Variants in ADGRB3 observed in about 807,000 individuals in gnomAD.
The protein encoded by ADGRB3 is brain-specific angiogenesis inhibitor 3.
In ADGRB3, 37 loss-of-function variants were observed where a neutral mutation model predicts 193.4. The observed-to-expected ratio is 0.19, with a 90% confidence interval of 0.15 to 0.25. The LOEUF is 0.25. Ranked by LOEUF, ADGRB3 falls within the 10% of genes least tolerant of loss-of-function variation. The pLI is 1.00. For missense variants in ADGRB3, 1,637 were observed against 1,852.9 expected (o/e 0.88, Z 2.14); for synonymous variants, 690 against 644.2 (o/e 1.07, Z -1.08).
intron 3 of ADGRB3, among the ~76,000 whole-genome samples, chr6:68,905,429 G>A (rs530470173): frequency 1.5e-4 from 23 of 152,044 alleles, no homozygotes; most frequent in Non-Finnish European, 2.6e-4. Context: ...TCTATCCATC[G>A]GGATTGAGAA....
intron 4 of ADGRB3, among the ~76,000 whole-genome samples, chr6:68,932,080 G>C (rs978437547): frequency 1.3e-5 from 2 of 152,132 alleles, no homozygotes; most frequent in African/African-American, 2.4e-5. Context: ...ACTGAGCAGA[G>C]ATTAGAGACA....
intron 3 of ADGRB3, among the ~76,000 whole-genome samples, chr6:68,796,141 A>G (rs950704643): frequency 1.3e-5 from 2 of 152,186 alleles, no homozygotes; most frequent in Non-Finnish European, 2.9e-5. Flanking sequence ...TAACAAAGAA[A>G]TTAGTACATC....
At position 68,974,883 on chromosome 6, in the gene ADGRB3, C is replaced by A; in HGVS notation, c.1627+19C>A. ...GCCACAGGTACAGTAGGATGACCCA[C>A]CCAAACCCTAGTGATAATCCCCATC... On this transcript the variant is annotated intron_variant, in intron 9 of 31. Coordinates refer to ENST00000370598, the MANE Select transcript of ADGRB3 (RefSeq NM_001704.3). The A allele has an allele frequency of 6.3e-7, 1 of 1,591,418 alleles. No homozygotes were observed. Among genetic ancestry groups the A allele is most frequent in the Non-Finnish European group, 8.6e-7 (1 of 1,160,084 alleles).
At chr6:68,645,378 T>C (rs1361972025) in intron 3 of ADGRB3, among the ~76,000 whole-genome samples, 1 of 152,170 alleles carries the variant, frequency 6.6e-6, no homozygotes, top group African/African-American at 2.4e-5. Context: ...ACTTGGAATA[T>C]TTCAGTTCCT....
rs544470913 is a variant in ADGRB3, at chr6:69,340,836, C to T, written c.3459+1332C>T. 1.3e-4 allele frequency among the ~76,000 whole-genome samples: 20 copies of T among 152,238 alleles called. No individual in the cohort carries two copies. The East Asian group carries it at 3.7e-3, about 28-fold the overall frequency. On this transcript the variant is annotated intron_variant, in intron 26 of 31. Transcript: ENST00000370598. ...GTGTCCGTGTGTTCTCATTGTTCAA[C>T]TCCCACTAATGAATAAGGACATGCA...
At position 68,778,378 on chromosome 6, in the gene ADGRB3, C is replaced by G. The variant is rs148892999; in HGVS notation, c.757+138946C>G. Among the ~76,000 whole-genome samples, 3 of 152,232 alleles carry G rather than the reference C, an allele frequency of 2.0e-5. No individual in the cohort carries two copies. The East Asian group carries it at 5.8e-4, about 29-fold the overall frequency. On this transcript the variant is annotated intron_variant, in intron 3 of 31. Coordinates refer to ENST00000370598, the MANE Select transcript of ADGRB3 (RefSeq NM_001704.3). Reference sequence around the variant, plus strand: ...GTTCATGTACATGTACACATTATCTCTTAATTCTACCAGCAATGTATTGTC... The same window carrying G: ...GTTCATGTACATGTACACATTATCTGTTAATTCTACCAGCAATGTATTGTC...
Position 69,209,179 on chromosome 6 carries a change from A to T in ADGRB3, c.2481-24111A>T, listed in dbSNP as rs111636393. On this transcript the variant is annotated intron_variant, in intron 17 of 31. Coordinates refer to ENST00000370598, the MANE Select transcript of ADGRB3 (RefSeq NM_001704.3). ...GCATAGCAGCCTGGACCTGTTGCAG[A>T]ACCTTCTCCTATTCTGGACCTCACT... is the stretch of plus-strand genomic sequence containing the variant. Among the ~76,000 whole-genome samples the T allele has an allele frequency of 4.1e-3, 623 of 152,296 alleles. 4 individuals are homozygous for T. The highest frequency in any genetic ancestry group is 0.014 in the African/African-American group (572 of 41,574).
intron 3 of ADGRB3, among the ~76,000 whole-genome samples, chr6:68,653,102 G>A (rs1002596467): frequency 1.3e-5 from 2 of 152,236 alleles, no homozygotes; most frequent in East Asian, 3.9e-4. Flanking sequence ...TATTGCTGGA[G>A]TAAGACTGTG....
chr6:69,292,121 C>T (rs1323434827), intron 20 of ADGRB3, among the ~76,000 whole-genome samples: 1 of 152,168 alleles, frequency 6.6e-6, no homozygotes, highest in South Asian at 2.1e-4. Context: ...TTAACTATTT[C>T]TTTACATCTT....
At chr6:68,934,487 G>A (rs1486728635) in intron 4 of ADGRB3, among the ~76,000 whole-genome samples, 1 of 152,042 alleles carries the variant, frequency 6.6e-6, no homozygotes, top group Non-Finnish European at 1.5e-5. Context: ...AAGAGGAAAA[G>A]GACTGCTTTT....
At chr6:69,121,550 G>A (rs545457973) in intron 17 of ADGRB3, among the ~76,000 whole-genome samples, 13 of 152,180 alleles carry the variant, frequency 8.5e-5, no homozygotes, top group Admixed American at 3.9e-4. Context: ...CTTCCCAGAC[G>A]GGGCAGCCTG....
intron 17 of ADGRB3, among the ~76,000 whole-genome samples, chr6:69,228,110 A>C (rs1766057371): frequency 6.6e-6 from 1 of 151,950 alleles, no homozygotes; most frequent in Non-Finnish European, 1.5e-5. Flanking sequence ...ACAAAAAATG[A>C]GCCGGGTGCA....
intron 17 of ADGRB3, among the ~76,000 whole-genome samples, chr6:69,223,321 C>G (rs1349416828): frequency 2.0e-5 from 3 of 152,086 alleles, no homozygotes; most frequent in African/African-American, 7.2e-5. Flanking sequence ...ATCACATATT[C>G]CTGGCCCCAT....
chr6:69,210,149 C>CATATAGATATATATATATATATATAT, intron 17 of ADGRB3, among the ~76,000 whole-genome samples: 1 of 78,940 alleles, frequency 1.3e-5, no homozygotes, highest in Non-Finnish European at 2.5e-5. Context: ...TAATATATAT[C>CATATAGATATATATATATATATATAT]ATATATATAT....
intron 20 of ADGRB3, among the ~76,000 whole-genome samples, chr6:69,258,290 T>C (rs1026771864): frequency 2.6e-5 from 4 of 152,202 alleles, no homozygotes; most frequent in African/African-American, 9.6e-5. Flanking sequence ...TAAAATCTCA[T>C]TTGGCCATGA....
chr6:68,725,537 T>C (rs1032354187), intron 3 of ADGRB3, among the ~76,000 whole-genome samples: 29 of 151,646 alleles, frequency 1.9e-4, no homozygotes, highest in African/African-American at 6.5e-4. Context: ...ACCAGTTTGA[T>C]GTCAGAGGTG....
intron 10 of ADGRB3, among the ~76,000 whole-genome samples, chr6:68,983,977 A>T (rs912102545): frequency 9.8e-5 from 15 of 152,330 alleles, no homozygotes; most frequent in African/African-American, 3.6e-4. Context: ...AGCACATTCC[A>T]TGTAGCGAAA....
chr6:69,317,638 C>T (rs1297439566), intron 20 of ADGRB3, among the ~76,000 whole-genome samples: 2 of 151,408 alleles, frequency 1.3e-5, no homozygotes, highest in Non-Finnish European at 3.0e-5. Context: ...CTATTACCCA[C>T]GCCCTGCCCT....
chr6:68,959,658 A>T (rs924336728), intron 8 of ADGRB3, among the ~76,000 whole-genome samples: 1 of 152,164 alleles, frequency 6.6e-6, no homozygotes, highest in Admixed American at 6.5e-5. Flanking sequence ...CAAGATTAGG[A>T]TATTTCTTTG....
Sources: allele counts gnomAD v4.1 joint callset (sites outside exome capture counted in the v4.1 genomes callset), GRCh38; gene constraint gnomAD v4.1.1; transcripts MANE v1.5; gene names NCBI Gene and HGNC (gene_info 2026-07-23, HGNC 2026-07-21).